FAH: variants seen among roughly 807,000 people sequenced by gnomAD.
The protein encoded by FAH is fumarylacetoacetate hydrolase, also known as fumarylacetoacetase.
A neutral mutation model predicts 55.8 loss-of-function variants in FAH; 47 were observed. The observed-to-expected ratio is 0.84, with a 90% confidence interval of 0.67 to 1.07. The LOEUF (loss-of-function observed/expected upper bound fraction) is 1.07, where lower values mean the gene tolerates loss of function less well. Among genes scored for constraint, FAH ranks in the 50% least tolerant of loss-of-function variants. The pLI is 0.00. For synonymous variants in FAH, 199 were observed against 207.7 expected (o/e 0.96, Z 0.36); for missense variants, 495 against 545.9 (o/e 0.91, Z 0.93).
Position 80,160,544 on chromosome 15 carries a change from T to G in FAH, c.364+85T>G, listed in dbSNP as rs733679. 651,844 of 1,326,334 alleles carry G rather than the reference T, an allele frequency of 0.49. 164,179 individuals carry two copies. Among genetic ancestry groups the G allele is most frequent in the Middle Eastern group, 0.58 (3,200 of 5,542 alleles). The allele number at this position is 1,326,334 out of a possible 1,614,324, so 82.2% of individuals were successfully genotyped here. A position where few individuals can be genotyped will look rare whatever the true frequency, so the allele number is the denominator to read the frequency against. On this transcript the variant is annotated intron_variant, in intron 4 of 13. Transcript: ENST00000561421. ...GCCAGGTGCTTTGGTTCTGCATCTGTGTGGAGGGTCCCTGCTGGTGGGGGG... is the reference window on the plus strand; with the variant it reads ...GCCAGGTGCTTTGGTTCTGCATCTGGGTGGAGGGTCCCTGCTGGTGGGGGG...
chr15:80,185,783 T>C (rs752272436), intron 13 of FAH, among the ~76,000 whole-genome samples: 1 of 152,158 alleles, frequency 6.6e-6, no homozygotes, highest in Non-Finnish European at 1.5e-5. Flanking sequence ...TCTCCCACTG[T>C]GTACCTCCCA....
At chr15:80,184,974 C>T (rs1335875129) in intron 13 of FAH, among the ~76,000 whole-genome samples, 1 of 152,132 alleles carries the variant, frequency 6.6e-6, no homozygotes, top group East Asian at 1.9e-4. Flanking sequence ...TCTGGACCTC[C>T]CACTCCCTCT....
chr15:80,172,069 C>G, intron 7 of FAH, 80 bp from the exon 8 acceptor site: 1 of 1,017,940 alleles, frequency 9.8e-7, no homozygotes, highest in Non-Finnish European at 1.6e-6. Context: ...TTTGGAAATA[C>G]CTGACCTTTG....
intron 10 of FAH, 22 bp from the exon 11 acceptor site, chr15:80,177,515 A>G (rs764734971): frequency 1.9e-6 from 3 of 1,610,788 alleles, no homozygotes; most frequent in South Asian, 1.1e-5. Context: ...GTTTTCATCA[A>G]TATTGCTTTT....
intron 8 of FAH, among the ~76,000 whole-genome samples, 164 bp downstream of exon 8, chr15:80,172,412 C>G: frequency 6.6e-6 from 1 of 151,294 alleles, no homozygotes; most frequent in Non-Finnish European, 1.5e-5. Flanking sequence ...TCTAAGAACT[C>G]GGGCCACTCA....
intron 13 of FAH, among the ~76,000 whole-genome samples, chr15:80,185,913 G>A (rs569798588): frequency 9.8e-5 from 15 of 152,336 alleles, no homozygotes; most frequent in African/African-American, 3.6e-4. Flanking sequence ...ATCCCTGGCT[G>A]TGGGGTGGGC....
chr15:80,175,529 C>G (rs147629912), intron 10 of FAH, among the ~76,000 whole-genome samples: 1 of 152,268 alleles, frequency 6.6e-6, no homozygotes, highest in East Asian at 1.9e-4. Flanking sequence ...ACAGAGCCAG[C>G]GCATCAAGAC....
intron 5 of FAH, among the ~76,000 whole-genome samples, chr15:80,165,665 A>G (rs905253019): frequency 6.6e-6 from 1 of 151,954 alleles, no homozygotes; most frequent in African/African-American, 2.4e-5. Flanking sequence ...ACTGCACTCC[A>G]GCCTGGGCGA....
chr15:80,161,711 G>C (rs1176403518), intron 4 of FAH, among the ~76,000 whole-genome samples: 2 of 152,244 alleles, frequency 1.3e-5, no homozygotes, highest in East Asian at 3.8e-4. Flanking sequence ...GTCTAGCAAA[G>C]ATGTGCACAC....
chr15:80,169,688 C>G (rs1014376219), intron 7 of FAH, among the ~76,000 whole-genome samples: 2 of 152,020 alleles, frequency 1.3e-5, no homozygotes, highest in African/African-American at 4.8e-5. Flanking sequence ...CACCTTCCAC[C>G]ATGCCTGGCT....
intron 13 of FAH, among the ~76,000 whole-genome samples, chr15:80,185,071 T>A (rs1191376702): frequency 6.6e-6 from 1 of 152,282 alleles, no homozygotes; most frequent in Middle Eastern, 3.4e-3. Flanking sequence ...AGGAAACTAA[T>A]ATTTATTAGT....
chr15:80,174,965 T>A (rs1595895376), intron 9 of FAH, 51 bp from the exon 10 acceptor site: 1 of 1,549,792 alleles, frequency 6.5e-7, no homozygotes. Context: ...CCCAGCCGGG[T>A]GAGCTCAGCC....
intron 7 of FAH, among the ~76,000 whole-genome samples, chr15:80,171,620 C>T (rs1332691134): frequency 6.6e-6 from 1 of 152,100 alleles, no homozygotes; most frequent in African/African-American, 2.4e-5. Flanking sequence ...GCCACCATGC[C>T]TGGCTAATTT....
At chr15:80,153,255 T>A in intron 1 of FAH, 120 bp downstream of exon 1, 1 of 833,334 alleles carries the variant, frequency 1.2e-6, no homozygotes, top group Non-Finnish European at 2.0e-6. Context: ...TTGTGCCATT[T>A]TTCTCTTAAG....
chr15:80,185,484 T>C (rs573208240), intron 13 of FAH, among the ~76,000 whole-genome samples: 86 of 152,310 alleles, frequency 5.6e-4, no homozygotes, highest in African/African-American at 1.9e-3. Context: ...CCCAAACCCA[T>C]GTGGGGAGAG....
At chr15:80,160,028 A>G in intron 3 of FAH, 151 bp downstream of exon 3, 27 of 1,075,786 alleles carry the variant, frequency 2.5e-5, no homozygotes, top group Non-Finnish European at 3.6e-5. Context: ...TGAGCTGCCT[A>G]TTGATGGGAG....
At position 80,153,063 on chromosome 15, in the gene FAH, C is replaced by T. The variant is rs1440066142; in HGVS notation, c.9C>T (p.Phe3=). The T allele has an allele frequency of 3.1e-6, 5 of 1,613,702 alleles. No individual in the cohort carries two copies. In the East Asian group the frequency reaches 1.1e-4, roughly 36 times the overall value. The part of the protein sequence containing the change: MS[F]IPVAEDSDFP... ...GCCGGGTGCTCTTCAGCATGTCCTT[C>T]ATCCCGGTGGCCGAGGATTCCGACT... The change falls in exon 1 of 14, where the codon TTC becomes TTT. Residue 3 remains phenylalanine (F), a synonymous_variant. Coordinates refer to ENST00000561421, the MANE Select transcript of FAH (RefSeq NM_000137.4).
chr15:80,180,029 G>A (rs2142107553), intron 11 of FAH, 95 bp from the exon 12 acceptor site: 1 of 892,332 alleles, frequency 1.1e-6, no homozygotes, highest in Admixed American at 1.9e-5. Flanking sequence ...GGCCAGGGAA[G>A]GCGGTCGTGA....
At position 80,153,058 on chromosome 15, in the gene FAH, T is replaced by C; in HGVS notation, c.4T>C (p.Ser2Pro). 1 of 1,613,488 alleles carries C rather than the reference T, an allele frequency of 6.2e-7. No individual in the cohort carries two copies. Among genetic ancestry groups the C allele is most frequent in the Non-Finnish European group, 8.5e-7 (1 of 1,179,916 alleles). Residue 2 changes from serine to proline, a missense_variant, in exon 1 of 14, where the codon TCC becomes CCC. Transcript: ENST00000561421. M[S>P]FIPVAEDSDF... is the part of the protein sequence containing the mutation. ...GCCGTGCCGGGTGCTCTTCAGCATGTCCTTCATCCCGGTGGCCGAGGATTC... is the reference window on the plus strand; with the variant it reads ...GCCGTGCCGGGTGCTCTTCAGCATGCCCTTCATCCCGGTGGCCGAGGATTC...
Sources: gnomAD v4.1 joint callset for allele counts (sites outside exome capture counted in the v4.1 genomes callset) on GRCh38, gnomAD v4.1.1 for gene constraint, MANE v1.5 for transcripts, NCBI Gene and HGNC (gene_info 2026-07-23, HGNC 2026-07-21) for gene names.